The following GPM6A variants were observed in gnomAD, a reference collection of about 807,000 sequenced individuals.
GPM6A encodes the protein neuronal membrane glycoprotein M6-a.
Under a neutral mutation model 32.1 loss-of-function variants are expected in GPM6A, and 7 were observed. The observed-to-expected ratio is 0.22, with a 90% confidence interval of 0.12 to 0.41. GPM6A has a LOEUF of 0.41. GPM6A is among the 10% of genes least tolerant of loss of function. GPM6A has a pLI of 1.00. For synonymous variants in GPM6A, 130 were observed against 123.4 expected, an observed-to-expected ratio of 1.05 and a Z score of -0.35; for missense variants, 235 against 347.2, an observed-to-expected ratio of 0.68 and a Z score of 2.57.
intron 1 of GPM6A, among the ~76,000 whole-genome samples, chr4:175,869,238 C>T (rs570101693): frequency 6.6e-6 from 1 of 152,214 alleles, no homozygotes; most frequent in African/African-American, 2.4e-5. Flanking sequence ...CATTTTTTCA[C>T]AGTTGTAATC....
chr4:175,944,503 A>G (rs901919583), intron 1 of GPM6A, among the ~76,000 whole-genome samples: 10 of 135,734 alleles, frequency 7.4e-5, no homozygotes, highest in Non-Finnish European at 1.2e-4. Context: ...ATTCATTTAC[A>G]TAGATTAAAA....
At chr4:175,705,770 T>A (rs74914273) in intron 1 of GPM6A, among the ~76,000 whole-genome samples, 6,822 of 152,206 alleles carry the variant, frequency 0.045, 197 homozygotes, top group Non-Finnish European at 0.065. Flanking sequence ...ATTAAATGAA[T>A]ATTAGTGAAG....
At chr4:175,649,300 C>A (rs989599101) in intron 4 of GPM6A, among the ~76,000 whole-genome samples, 1 of 152,120 alleles carries the variant, frequency 6.6e-6, no homozygotes, top group African/African-American at 2.4e-5. Flanking sequence ...AGCCTTAATA[C>A]TTTCAGTGAA....
intron 3 of GPM6A, among the ~76,000 whole-genome samples, chr4:175,658,728 T>G (rs1377726287): frequency 6.6e-6 from 1 of 152,188 alleles, no homozygotes; most frequent in African/African-American, 2.4e-5. Flanking sequence ...CTGTGAAACC[T>G]AAAACGGTTC....
chr4:175,803,967 G>A (rs979061837), intron 1 of GPM6A, among the ~76,000 whole-genome samples: 1 of 145,062 alleles, frequency 6.9e-6, no homozygotes, highest in Non-Finnish European at 1.6e-5. Flanking sequence ...ACTGTAAAAT[G>A]GTTTTTTTTT....
intron 1 of GPM6A, among the ~76,000 whole-genome samples, chr4:175,899,035 A>G (rs1737876434): frequency 6.6e-6 from 1 of 152,134 alleles, no homozygotes; most frequent in Admixed American, 6.5e-5. Flanking sequence ...TACATACTGT[A>G]TTGCTTCTTT....
chr4:175,833,679 C>T (rs1258205081), intron 1 of GPM6A, among the ~76,000 whole-genome samples: 1 of 152,008 alleles, frequency 6.6e-6, no homozygotes, highest in African/African-American at 2.4e-5. Context: ...AAACAGTATG[C>T]CCTGACAGTA....
chr4:175,652,113 A>C, intron 3 of GPM6A, 126 bp from the exon 4 acceptor site: 2 of 600,430 alleles, frequency 3.3e-6, no homozygotes, highest in Non-Finnish European at 5.6e-6. Flanking sequence ...GTATCACAAC[A>C]CTGTTGATTT....
At chr4:175,721,764 T>C (rs898807198) in intron 1 of GPM6A, among the ~76,000 whole-genome samples, 5 of 152,204 alleles carry the variant, frequency 3.3e-5, no homozygotes, top group Admixed American at 6.5e-5. Context: ...TCACAAGGTA[T>C]ATACATTTGA....
intron 1 of GPM6A, among the ~76,000 whole-genome samples, chr4:175,851,187 T>A (rs896756540): frequency 6.6e-6 from 1 of 151,840 alleles, no homozygotes; most frequent in Non-Finnish European, 1.5e-5. Context: ...TGAAACCCCG[T>A]CTCTACTAAA....
rs1744780869 is a variant in GPM6A at position 175,699,865 on chromosome 4, G to A, written c.230+1710C>T. ...ACAGAGCATTCTTGCTCTGTTACCTGATAGAAATGTATAACTCTATTCTCA... is the reference window on the plus strand; with the variant it reads ...ACAGAGCATTCTTGCTCTGTTACCTAATAGAAATGTATAACTCTATTCTCA... On this transcript the variant is annotated intron_variant, in intron 2 of 6. Coordinates refer to ENST00000393658, the MANE Select transcript of GPM6A (RefSeq NM_201591.3). 3.3e-5 allele frequency among the ~76,000 whole-genome samples: 5 copies of A among 152,194 alleles called. No individual in the cohort carries two copies. In the South Asian group the frequency reaches 1.0e-3, roughly 32 times the overall value.
intron 1 of GPM6A, among the ~76,000 whole-genome samples, chr4:175,933,540 T>TA (rs1298485727): frequency 2.6e-5 from 4 of 151,862 alleles, no homozygotes. Context: ...CACAAAGACT[T>TA]ACACGTAATG....
intron 1 of GPM6A, among the ~76,000 whole-genome samples, chr4:175,849,169 A>G (rs568321782): frequency 6.6e-6 from 1 of 152,326 alleles, no homozygotes; most frequent in African/African-American, 2.4e-5. Flanking sequence ...GTACTAATTA[A>G]TCTGGTAGAG....
chr4:175,918,120 A>G (rs561862878), intron 1 of GPM6A, among the ~76,000 whole-genome samples: 1 of 152,140 alleles, frequency 6.6e-6, no homozygotes, highest in South Asian at 2.1e-4. Context: ...TTACACGCAT[A>G]ACTTAAAAAC....
intron 1 of GPM6A, among the ~76,000 whole-genome samples, chr4:175,791,581 C>G (rs931770773): frequency 2.6e-5 from 4 of 152,096 alleles, no homozygotes; most frequent in Admixed American, 2.0e-4. Context: ...AAATTGAACT[C>G]AGAAATTGAC....
chr4:175,691,825 T>G (rs1316685859), intron 2 of GPM6A, among the ~76,000 whole-genome samples: 1 of 152,312 alleles, frequency 6.6e-6, no homozygotes, highest in East Asian at 1.9e-4. Flanking sequence ...GGTAGCCCCA[T>G]TGTAATCACA....
intron 1 of GPM6A, among the ~76,000 whole-genome samples, chr4:175,763,217 T>A (rs1440072490): frequency 6.6e-6 from 1 of 152,242 alleles, no homozygotes; most frequent in Non-Finnish European, 1.5e-5. Context: ...TTTCACCATA[T>A]TGGCCAGGCT....
intron 1 of GPM6A, among the ~76,000 whole-genome samples, chr4:175,887,672 T>C (rs1329299981): frequency 6.6e-6 from 1 of 151,714 alleles, no homozygotes; most frequent in African/African-American, 2.4e-5. Context: ...GGAGGAAAGG[T>C]AAAGTATTAG....
chr4:175,790,338 T>C (rs1283812056), intron 1 of GPM6A: 1 of 152,166 alleles, frequency 6.6e-6, no homozygotes, highest in Non-Finnish European at 1.5e-5. Context: ...AATTACTTTC[T>C]GTCAACAAAT....
Sources: allele counts gnomAD v4.1 joint callset (sites outside exome capture counted in the v4.1 genomes callset), GRCh38; gene constraint gnomAD v4.1.1; transcripts MANE v1.5; gene names NCBI Gene and HGNC (gene_info 2026-07-23, HGNC 2026-07-21).